The following RBMS3 variants were observed in gnomAD, a reference collection of about 807,000 sequenced individuals.
RBMS3 encodes the protein RNA binding motif single stranded interacting protein 3.
A neutral mutation model predicts 66.8 loss-of-function variants in RBMS3; 27 were observed. That is an observed-to-expected ratio of 0.40 (90% CI 0.30 to 0.56). RBMS3 has a LOEUF of 0.56. RBMS3 is among the 20% of genes least tolerant of loss of function. The pLI, the probability that RBMS3 is intolerant of heterozygous loss-of-function variation, is 0.40. For synonymous variants in RBMS3, 188 were observed against 183.0 expected, an observed-to-expected ratio of 1.03 and a Z score of -0.22; for missense variants, 513 against 549.5, an observed-to-expected ratio of 0.93 and a Z score of 0.66.
chr3:29,469,053 G>C (rs1469451347), intron 2 of RBMS3, among the ~76,000 whole-genome samples: 1 of 152,066 alleles, frequency 6.6e-6, no homozygotes, highest in African/African-American at 2.4e-5. Flanking sequence ...ATTGGAACTA[G>C]TTTATGACTC....
chr3:29,764,113 G>A (rs1361250102), intron 6 of RBMS3, among the ~76,000 whole-genome samples: 1 of 115,212 alleles, frequency 8.7e-6, no homozygotes, highest in African/African-American at 3.9e-5. Context: ...GTAATGACTT[G>A]CTTTTTTTAA....
chr3:29,498,214 C>T (rs1257570950), intron 3 of RBMS3, among the ~76,000 whole-genome samples: 1 of 151,528 alleles, frequency 6.6e-6, no homozygotes, highest in African/African-American at 2.4e-5. Context: ...TGGCTGGTCT[C>T]GAACTCCTGA....
chr3:29,847,832 GT>G (rs1248192059), intron 6 of RBMS3, among the ~76,000 whole-genome samples: 1 of 151,874 alleles, frequency 6.6e-6, no homozygotes, highest in Non-Finnish European at 1.5e-5. Flanking sequence ...ATTTTCTTGT[GT>G]TTTTAGTAGA....
intron 6 of RBMS3, among the ~76,000 whole-genome samples, chr3:29,834,934 G>A (rs191351960): frequency 1.3e-5 from 2 of 152,082 alleles, no homozygotes; most frequent in African/African-American, 4.8e-5. Context: ...AAGTACAGGG[G>A]TGGAAAAAGA....
chr3:29,457,149 C>G (rs573562862), intron 2 of RBMS3, among the ~76,000 whole-genome samples: 1 of 152,160 alleles, frequency 6.6e-6, no homozygotes, highest in Non-Finnish European at 1.5e-5. Flanking sequence ...TGGCAGACAT[C>G]TTCTACACCT....
At chr3:29,880,381 C>A (rs2059708374) in intron 7 of RBMS3, among the ~76,000 whole-genome samples, 1 of 152,058 alleles carries the variant, frequency 6.6e-6, no homozygotes, top group African/African-American at 2.4e-5. Context: ...GTGACATTTT[C>A]ATTTTGTTCC....
chr3:29,443,522 A>G (rs528299010), intron 2 of RBMS3, among the ~76,000 whole-genome samples: 6 of 152,316 alleles, frequency 3.9e-5, no homozygotes, highest in African/African-American at 1.2e-4. Flanking sequence ...GTGAGACTTC[A>G]TTTGCAGGAA....
chr3:29,525,769 A>G (rs1407123474), intron 3 of RBMS3, among the ~76,000 whole-genome samples: 1 of 152,090 alleles, frequency 6.6e-6, no homozygotes, highest in Non-Finnish European at 1.5e-5. Flanking sequence ...CAATTTCAGT[A>G]TTAGGGGTTA....
chr3:29,754,380 A>G (rs1171432904), intron 5 of RBMS3, among the ~76,000 whole-genome samples: 2 of 152,232 alleles, frequency 1.3e-5, no homozygotes, highest in Admixed American at 6.5e-5. Context: ...CTTACAGTAG[A>G]GCTTCATTTC....
chr3:29,419,332 C>T (rs192610687), intron 1 of RBMS3, among the ~76,000 whole-genome samples: 1 of 152,106 alleles, frequency 6.6e-6, no homozygotes, highest in Non-Finnish European at 1.5e-5. Context: ...ATATTTTAAT[C>T]TTTAAAATAT....
At chr3:30,003,692 A>C (rs1699713168) in intron 14 of RBMS3, among the ~76,000 whole-genome samples, 164 bp from the exon 15 acceptor site, 1 of 152,020 alleles carries the variant, frequency 6.6e-6, no homozygotes, top group Non-Finnish European at 1.5e-5. Context: ...AAAGTGGCAG[A>C]ATTTGACAAT....
chr3:29,791,771 C>T (rs978926140), intron 6 of RBMS3, among the ~76,000 whole-genome samples: 1 of 152,100 alleles, frequency 6.6e-6, no homozygotes, highest in African/African-American at 2.4e-5. Flanking sequence ...GTGTATATCT[C>T]AGTAGAGATT....
intron 4 of RBMS3, among the ~76,000 whole-genome samples, chr3:29,660,663 G>GTC (rs2050509391): frequency 6.6e-6 from 1 of 151,700 alleles, no homozygotes; most frequent in African/African-American, 2.4e-5. Flanking sequence ...TAAAAATATT[G>GTC]TCTCTGTACC....
chr3:29,880,881 C>A, intron 7 of RBMS3: 1 of 1,453,350 alleles, frequency 6.9e-7, no homozygotes, highest in Non-Finnish European at 9.3e-7. Flanking sequence ...AGATTCTCTC[C>A]ACCTCCCTCT....
chr3:29,982,610 G>A (rs747584652), intron 12 of RBMS3, among the ~76,000 whole-genome samples: 4 of 152,102 alleles, frequency 2.6e-5, no homozygotes, highest in Admixed American at 6.6e-5. Flanking sequence ...ATTCTGGTAC[G>A]TTGTGTCTGT....
chr3:29,509,935 G>T (rs2044332841), intron 3 of RBMS3, among the ~76,000 whole-genome samples: 1 of 152,206 alleles, frequency 6.6e-6, no homozygotes, highest in Non-Finnish European at 1.5e-5. Flanking sequence ...AGAATAAAAT[G>T]ATGAATGGCT....
chr3:29,493,616 A>G (rs1413771574), intron 3 of RBMS3, among the ~76,000 whole-genome samples: 1 of 151,434 alleles, frequency 6.6e-6, no homozygotes, highest in Non-Finnish European at 1.5e-5. Flanking sequence ...ATTTCTCCAA[A>G]TCTGTTCTGT....
intron 1 of RBMS3, among the ~76,000 whole-genome samples, chr3:29,340,703 C>T (rs1289547866): frequency 6.6e-6 from 1 of 152,060 alleles, no homozygotes; most frequent in Non-Finnish European, 1.5e-5. Context: ...TCCCCTAAAA[C>T]CAATTCTACT....
Position 29,868,966 on chromosome 3 carries a change from T to A in RBMS3, c.744+2T>A. On this transcript the variant is annotated splice_donor_variant, in intron 7 of 14. Coordinates refer to ENST00000383767, the MANE Select transcript of RBMS3 (RefSeq NM_001003793.3). LOFTEE classifies it high-confidence loss of function. Reference sequence around the variant, plus strand: ...AGGCCTTGGCCCAGGGAAGGAGAGGTGAGTCCTGACTGATAACATTTGCTC... The same window carrying A: ...AGGCCTTGGCCCAGGGAAGGAGAGGAGAGTCCTGACTGATAACATTTGCTC... 1.9e-6 allele frequency: 3 copies of A among 1,586,592 alleles called. No homozygotes were observed. The highest frequency in any genetic ancestry group is 2.6e-6 in the Non-Finnish European group (3 of 1,164,190).
Sources: allele counts gnomAD v4.1 joint callset (sites outside exome capture counted in the v4.1 genomes callset), GRCh38; gene constraint gnomAD v4.1.1; transcripts MANE v1.5; gene names NCBI Gene and HGNC (gene_info 2026-07-23, HGNC 2026-07-21).